The following SOX13 variants were observed in gnomAD, a reference collection of about 807,000 sequenced individuals.
The protein encoded by SOX13 is SRY-box transcription factor 13.
SOX13 carries 28 observed loss-of-function variants against 71.8 expected under a neutral mutation model. The ratio of observed to expected loss-of-function variants is 0.39; its 90% CI spans 0.29 to 0.53. The LOEUF (loss-of-function observed/expected upper bound fraction) is 0.53, where lower values mean the gene tolerates loss of function less well. SOX13 is among the 20% of genes least tolerant of loss of function. The probability of loss-of-function intolerance (pLI) is 0.70; values close to 1 mark genes in which losing one functional copy is unlikely to be tolerated. For synonymous variants in SOX13, 309 were observed against 317.8 expected (o/e 0.97, Z 0.29); for missense variants, 627 against 810.3 (o/e 0.77, Z 2.75).
intron 1 of SOX13, among the ~76,000 whole-genome samples, chr1:204,089,258 C>T (rs1460342608): frequency 1.3e-5 from 2 of 152,034 alleles, no homozygotes; most frequent in Non-Finnish European, 2.9e-5. Context: ...GGTGTCTTGG[C>T]GTGCGCTAGA....
At chr1:204,091,740 G>A (rs1037225668) in intron 1 of SOX13, among the ~76,000 whole-genome samples, 4 of 149,914 alleles carry the variant, frequency 2.7e-5, no homozygotes, top group Non-Finnish European at 4.4e-5. Context: ...GTGCGTGTGT[G>A]TGTGTGTGTG....
At chr1:204,108,758 TC>T (rs1260994337) in intron 1 of SOX13, among the ~76,000 whole-genome samples, 1 of 152,212 alleles carries the variant, frequency 6.6e-6, no homozygotes, top group Non-Finnish European at 1.5e-5. Context: ...CTGTCACACT[TC>T]CTTTGGCTTT....
intron 5 of SOX13, 143 bp downstream of exon 5, chr1:204,116,822 T>C: frequency 2.8e-6 from 4 of 1,426,248 alleles, no homozygotes; most frequent in Middle Eastern, 2.6e-4. Flanking sequence ...CCAGGGGCTG[T>C]AGGATTCCCA....
chr1:204,104,421 C>T (rs775247259), intron 1 of SOX13, among the ~76,000 whole-genome samples: 13 of 152,330 alleles, frequency 8.5e-5, no homozygotes, highest in Middle Eastern at 3.4e-3. Flanking sequence ...GAGATAGGAT[C>T]GGGTGTAGCC....
chr1:204,093,664 C>A (rs1656190601), intron 1 of SOX13, among the ~76,000 whole-genome samples: 1 of 152,202 alleles, frequency 6.6e-6, no homozygotes, highest in African/African-American at 2.4e-5. Flanking sequence ...TGGAAAGTAG[C>A]CTCTTCTCAA....
At chr1:204,078,170 CA>C (rs1655822773) in intron 1 of SOX13, 3 of 152,282 alleles carry the variant, frequency 2.0e-5, no homozygotes, top group Non-Finnish European at 4.4e-5. Flanking sequence ...TCTGCGGCAG[CA>C]GTGCTCCATG....
chr1:204,126,897 C>T lies in SOX13; in HGVS notation c.*763C>T, dbSNP rs545639948. On this transcript the variant is annotated 3_prime_UTR_variant, in exon 14 of 14. Transcript: ENST00000367204. ...TGTGTGCATTTCTGTCTCTCTCTGT[C>T]CTCGTCTCTCTGCAAGGCCCTCTAT... 6.5e-6 allele frequency: 1 copy of T among 153,500 alleles called. No individual in the cohort carries two copies. The highest frequency in any genetic ancestry group is 6.5e-5 in the Admixed American group (1 of 15,294). The allele number at this position is 153,500 out of a possible 1,614,324, so 9.5% of individuals were successfully genotyped here.
intron 1 of SOX13, among the ~76,000 whole-genome samples, chr1:204,082,240 TG>T (rs1439982658): frequency 6.9e-6 from 1 of 144,260 alleles, no homozygotes. Context: ...GGGCCAGGTG[TG>T]GTGTGTGTGT....
At chr1:204,116,175 T>C in intron 4 of SOX13, 15 of 1,280,670 alleles carry the variant, frequency 1.2e-5, no homozygotes, top group Admixed American at 5.4e-5. Context: ...ATGGGATGGT[T>C]GTCCACCCTG....
chr1:204,124,540 T>C lies in SOX13; in HGVS notation c.1376-101T>C, dbSNP rs546044493. 81 of 948,896 alleles carry C rather than the reference T, an allele frequency of 8.5e-5. 1 individual carries two copies. The East Asian group carries it at 1.9e-3, about 23-fold the overall frequency. The allele number at this position is 948,896 out of a possible 1,614,324, so 58.8% of individuals were successfully genotyped here. A position where few individuals can be genotyped will look rare whatever the true frequency, so the allele number is the denominator to read the frequency against. On this transcript the variant is annotated intron_variant, in intron 12 of 13. Coordinates refer to ENST00000367204, the MANE Select transcript of SOX13 (RefSeq NM_005686.3). ...AAGTGCTTGCACATATATTATCTTA[T>C]GGACCCACCTGGGGATCAAGGTCTT...
At chr1:204,118,884 G>A (rs11583764) in intron 7 of SOX13, 54,249 of 152,112 alleles carry the variant, frequency 0.36, 11,854 homozygotes, top group Middle Eastern at 0.5. Context: ...CTGGCTTTGA[G>A]GGGTGGGGAG....
At chr1:204,102,608 C>A (rs1254436112) in intron 1 of SOX13, among the ~76,000 whole-genome samples, 2 of 151,258 alleles carry the variant, frequency 1.3e-5, no homozygotes, top group East Asian at 2.0e-4. Flanking sequence ...GGGAGGGAGA[C>A]CTACATGGAG....
chr1:204,089,827 A>G (rs149473107), intron 1 of SOX13, among the ~76,000 whole-genome samples: 131 of 152,294 alleles, frequency 8.6e-4, no homozygotes, highest in African/African-American at 3.0e-3. Flanking sequence ...CCTTATCTCT[A>G]TCCACCTGTC....
chr1:204,097,738 G>A (rs1656281761), intron 1 of SOX13, among the ~76,000 whole-genome samples: 1 of 151,316 alleles, frequency 6.6e-6, no homozygotes, highest in Non-Finnish European at 1.5e-5. Context: ...ACTTGCTTAT[G>A]AATGAAAAAC....
chr1:204,119,404 T>A (rs1429058936), intron 7 of SOX13: 2 of 152,154 alleles, frequency 1.3e-5, no homozygotes, highest in African/African-American at 2.4e-5. Flanking sequence ...ATGGCGTCTC[T>A]CACTGTGTCC....
rs1457870516 is a variant in SOX13, at chr1:204,097,914, T to C, written c.-1-15001T>C. The stretch of plus-strand genomic sequence containing the variant: ...TAGGGTGTTGCTCTGTTGCCCAGGC[T>C]GGAGTGCAGTGGTGTGATCATGGCT... On this transcript the variant is annotated intron_variant, in intron 1 of 13. Coordinates refer to ENST00000367204, the MANE Select transcript of SOX13 (RefSeq NM_005686.3). Among the ~76,000 whole-genome samples, 3 of 152,122 alleles carry C rather than the reference T, an allele frequency of 2.0e-5. No homozygotes were observed. In the East Asian group the frequency reaches 5.8e-4, roughly 29 times the overall value.
At chr1:204,125,745 C>T (rs1656905781) in intron 13 of SOX13, 113 bp from the exon 14 acceptor site, 2 of 1,218,104 alleles carry the variant, frequency 1.6e-6, no homozygotes, top group Admixed American at 4.5e-5. Context: ...ATATAAGTCA[C>T]AGCCAAGAGT....
chr1:204,115,180 AT>A (rs765199643), intron 4 of SOX13, among the ~76,000 whole-genome samples: 9 of 151,218 alleles, frequency 6.0e-5, no homozygotes, highest in Non-Finnish European at 1.2e-4. Context: ...TAATTTTTAT[AT>A]TTTTTTTGTA....
chr1:204,087,349 C>G (rs993815538), intron 1 of SOX13, among the ~76,000 whole-genome samples: 1 of 152,182 alleles, frequency 6.6e-6, no homozygotes, highest in Admixed American at 6.5e-5. Context: ...CCTGCCTTCC[C>G]AGGGGCACCA....
Sources: allele counts gnomAD v4.1 joint callset (sites outside exome capture counted in the v4.1 genomes callset), GRCh38; gene constraint gnomAD v4.1.1; transcripts MANE v1.5; gene names NCBI Gene and HGNC (gene_info 2026-07-23, HGNC 2026-07-21).